ELK3: variants seen among roughly 807,000 people sequenced by gnomAD.
ELK3 encodes the protein ETS transcription factor ELK3.
ELK3 carries 10 observed loss-of-function variants against 28.9 expected under a neutral mutation model. The observed-to-expected ratio is 0.35, with a 90% CI of 0.21 to 0.59. The LOEUF is 0.59. Ranked by LOEUF, ELK3 falls within the 20% of genes least tolerant of loss-of-function variation. The pLI is 0.82. For synonymous variants in ELK3, 272 were observed against 243.5 expected, an observed-to-expected ratio of 1.12 and a Z score of -1.09; for missense variants, 463 against 517.3, an observed-to-expected ratio of 0.90 and a Z score of 1.02.
At chr12:96,220,421 C>G (rs1181407173) in intron 1 of ELK3, among the ~76,000 whole-genome samples, 2 of 121,164 alleles carry the variant, frequency 1.7e-5, no homozygotes, top group Admixed American at 1.0e-4. Context: ...GAGTTTCGCT[C>G]TTGTTGTCCA....
At chr12:96,221,863 A>C (rs1466688850) in intron 1 of ELK3, among the ~76,000 whole-genome samples, 1 of 152,068 alleles carries the variant, frequency 6.6e-6, no homozygotes, top group Non-Finnish European at 1.5e-5. Flanking sequence ...ATTGGAGAGC[A>C]CTCCTAGTCT....
chr12:96,210,624 G>A (rs1005195362), intron 1 of ELK3, among the ~76,000 whole-genome samples: 40 of 150,860 alleles, frequency 2.7e-4, no homozygotes, highest in Admixed American at 2.6e-3. Context: ...CAGGGGCACC[G>A]ACTTCCAGAA....
At chr12:96,240,662 G>A (rs981076818) in intron 2 of ELK3, among the ~76,000 whole-genome samples, 5 of 152,176 alleles carry the variant, frequency 3.3e-5, no homozygotes, top group African/African-American at 1.2e-4. Context: ...CAGCACAACC[G>A]ATCCTGCTTG....
chr12:96,196,323 AG>A (rs1313468448), intron 1 of ELK3, among the ~76,000 whole-genome samples: 1 of 151,278 alleles, frequency 6.6e-6, no homozygotes, highest in Non-Finnish European at 1.5e-5. Flanking sequence ...TCAGATTTGC[AG>A]GTTTTTCTTT....
intron 2 of ELK3, among the ~76,000 whole-genome samples, chr12:96,233,335 C>T (rs534727280): frequency 6.6e-6 from 1 of 152,288 alleles, no homozygotes; most frequent in South Asian, 2.1e-4. Flanking sequence ...TGGCACTGAA[C>T]ATTCAACCCC....
chr12:96,213,548 C>T (rs531412229), intron 1 of ELK3, among the ~76,000 whole-genome samples: 5 of 152,086 alleles, frequency 3.3e-5, no homozygotes, highest in Admixed American at 1.3e-4. Context: ...CCAGTGTTAA[C>T]GAAGCCATCA....
chr12:96,202,561 C>T (rs1470405895), intron 1 of ELK3, among the ~76,000 whole-genome samples: 3 of 147,552 alleles, frequency 2.0e-5, no homozygotes, highest in African/African-American at 7.6e-5. Context: ...GAGTCTTAGC[C>T]TGTTGCCCAG....
chr12:96,267,095 T>G lies in ELK3; in HGVS notation c.1139T>G (p.Leu380Arg), dbSNP rs766199561. 7 of 1,613,246 alleles carry G rather than the reference T, an allele frequency of 4.3e-6. No homozygotes were observed. The highest frequency in any genetic ancestry group is 4.2e-6 in the Non-Finnish European group (5 of 1,179,672). ...PSTLFQFPTL[L>R]NGHMPVPIPS... ...TGTCCCCTACAGTTCCCCACACTGCTTAATGGCCACATGCCAGTGCCAATC... is the reference window on the plus strand; with the variant it reads ...TGTCCCCTACAGTTCCCCACACTGCGTAATGGCCACATGCCAGTGCCAATC... Residue 380 changes from leucine (L) to arginine (R), a missense_variant, in exon 5 of 5, where the codon CTT (leucine) becomes CGT (arginine). Transcript: ENST00000228741.
chr12:96,225,125 T>A (rs931408304), intron 2 of ELK3, among the ~76,000 whole-genome samples: 2 of 152,232 alleles, frequency 1.3e-5, no homozygotes, highest in Non-Finnish European at 2.9e-5. Flanking sequence ...GCTTATTGTT[T>A]TGCGTGTTTT....
At chr12:96,228,416 C>CAAAAAAAAAAAAAAAAA (rs71091236) in intron 2 of ELK3, among the ~76,000 whole-genome samples, 5 of 68,296 alleles carry the variant, frequency 7.3e-5, no homozygotes, top group East Asian at 5.4e-4. Flanking sequence ...GACTCTGTGT[C>CAAAAAAAAAAAAAAAAA]AAAAAAAAAA....
At chr12:96,202,764 T>G (rs980652500) in intron 1 of ELK3, among the ~76,000 whole-genome samples, 6 of 152,024 alleles carry the variant, frequency 3.9e-5, no homozygotes, top group Non-Finnish European at 8.8e-5. Flanking sequence ...TGGCCTCAAC[T>G]GATCCGCCTG....
intron 3 of ELK3, among the ~76,000 whole-genome samples, chr12:96,258,754 G>A (rs1951970713): frequency 6.6e-6 from 1 of 152,182 alleles, no homozygotes; most frequent in Non-Finnish European, 1.5e-5. Flanking sequence ...TGCTGTGTGT[G>A]TGCAAGAAAT....
rs567387820 is a variant in ELK3, at chr12:96,246,615, C to T, written c.208-325C>T. On this transcript the variant is annotated intron_variant, in intron 2 of 4. Coordinates refer to ENST00000228741, the MANE Select transcript of ELK3 (RefSeq NM_005230.4). ...GGTTGAGGCTGCAGTGAGCCATGTT[C>T]GTGCCACTGCACTCCAGCCTGTGCG... is the stretch of plus-strand genomic sequence containing the variant. Among the ~76,000 whole-genome samples the T allele has an allele frequency of 3.3e-3, 502 of 152,282 alleles. 2 individuals carry two copies. The highest frequency in any genetic ancestry group is 4.3e-3 in the Non-Finnish European group (293 of 68,014).
At chr12:96,228,995 T>C in intron 2 of ELK3, among the ~76,000 whole-genome samples, 1 of 152,246 alleles carries the variant, frequency 6.6e-6, no homozygotes, top group East Asian at 1.9e-4. Flanking sequence ...TAAAACTGAC[T>C]GTATTATGTC....
At position 96,267,064 on chromosome 12, in the gene ELK3, A is replaced by ATCTT; in HGVS notation, c.1126-16_1126-13dup. On this transcript the variant is annotated splice_polypyrimidine_tract_variant and intron_variant, in intron 4 of 4. Transcript: ENST00000228741. ...TGGATTTGCAATAATTATTGTAAAA[A>ATCTT]TCTTTTGTCCCCTACAGTTCCCCAC... The ATCTT allele has an allele frequency of 6.3e-7, 1 of 1,599,142 alleles. No homozygotes were observed. Among genetic ancestry groups the ATCTT allele is most frequent in the South Asian group, 1.1e-5 (1 of 88,566 alleles).
chr12:96,207,306 G>T (rs1273948973), intron 1 of ELK3, among the ~76,000 whole-genome samples: 2 of 152,178 alleles, frequency 1.3e-5, no homozygotes, highest in African/African-American at 4.8e-5. Flanking sequence ...GATGTCCATT[G>T]TACAAAAATG....
intron 3 of ELK3, among the ~76,000 whole-genome samples, chr12:96,257,724 C>G (rs888912200): frequency 9.2e-5 from 14 of 152,192 alleles, no homozygotes; most frequent in African/African-American, 2.7e-4. Flanking sequence ...TATTAGTTTT[C>G]AGAACACCTG....
intron 3 of ELK3, among the ~76,000 whole-genome samples, chr12:96,250,359 G>A (rs1484711745): frequency 6.6e-6 from 1 of 152,204 alleles, no homozygotes; most frequent in African/African-American, 2.4e-5. Context: ...TCAGAGTTGA[G>A]TTCTTGCAGC....
chr12:96,223,978 A>G, intron 2 of ELK3: 1 of 580,740 alleles, frequency 1.7e-6, no homozygotes, highest in Non-Finnish European at 3.0e-6. Flanking sequence ...TGAGGGTCAC[A>G]TTTTGTTTCT....
Sources: gnomAD v4.1 joint callset for allele counts (sites outside exome capture counted in the v4.1 genomes callset) on GRCh38, gnomAD v4.1.1 for gene constraint, MANE v1.5 for transcripts, NCBI Gene and HGNC (gene_info 2026-07-23, HGNC 2026-07-21) for gene names.